Variants in ARFGEF3 observed in about 807,000 individuals in gnomAD.
ARFGEF3 encodes the protein brefeldin A-inhibited guanine nucleotide-exchange protein 3.
Under a neutral mutation model 221.7 loss-of-function variants are expected in ARFGEF3, and 96 were observed. The observed-to-expected ratio is 0.43, with a 90% CI of 0.37 to 0.51. The LOEUF is 0.51. ARFGEF3 is among the 20% of genes least tolerant of loss of function. ARFGEF3 has a pLI of 0.00. For missense variants in ARFGEF3, 2,410 were observed against 2,789.9 expected (o/e 0.86, Z 3.07); for synonymous variants, 1,145 against 1,126.8 (o/e 1.02, Z -0.32).
At chr6:138,220,294 C>T (rs1448171468) in intron 4 of ARFGEF3, among the ~76,000 whole-genome samples, 1 of 152,236 alleles carries the variant, frequency 6.6e-6, no homozygotes, top group Admixed American at 6.5e-5. Flanking sequence ...TGAGCCACTG[C>T]AGCCAACCTA....
intron 25 of ARFGEF3, among the ~76,000 whole-genome samples, chr6:138,312,793 T>C (rs13208551): frequency 0.06 from 9,070 of 152,286 alleles, 379 homozygotes; most frequent in Non-Finnish European, 0.095. Flanking sequence ...CACTACAACC[T>C]CTGCCTCCCA....
chr6:138,197,556 G>A (rs1777453283), intron 2 of ARFGEF3, among the ~76,000 whole-genome samples: 1 of 152,178 alleles, frequency 6.6e-6, no homozygotes, highest in Admixed American at 6.5e-5. Flanking sequence ...CCACAAACAT[G>A]TGAGTATAGT....
In ARFGEF3 at chr6:138,337,538, TTAAAA is replaced by T. The variant is rs1324949210; in HGVS notation, c.*1055_*1059del. The stretch of plus-strand genomic sequence containing the variant: ...GATTATGATGAAATCATTTTCAATC[TTAAAA>T]TATAATACAACAATCTTGCAAAATT... On this transcript the variant is annotated 3_prime_UTR_variant, in exon 34 of 34. Coordinates refer to ENST00000251691, the MANE Select transcript of ARFGEF3 (RefSeq NM_020340.5). The T allele has an allele frequency of 1.3e-5, 2 of 152,750 alleles. No individual in the cohort carries two copies. The highest frequency in any genetic ancestry group is 2.4e-5 in the African/African-American group (1 of 41,578). The allele number at this position is 152,750 out of a possible 1,614,324, so 9.5% of individuals were successfully genotyped here. A position where few individuals can be genotyped will look rare whatever the true frequency, so the allele number is the denominator to read the frequency against.
chr6:138,196,987 C>T (rs2114477887), intron 2 of ARFGEF3, among the ~76,000 whole-genome samples: 1 of 152,178 alleles, frequency 6.6e-6, no homozygotes. Context: ...GCAGGCACCA[C>T]CACGCCCGGC....
intron 32 of ARFGEF3, among the ~76,000 whole-genome samples, chr6:138,332,162 A>T (rs547300441): frequency 6.6e-6 from 1 of 152,254 alleles, no homozygotes; most frequent in South Asian, 2.1e-4. Flanking sequence ...AGACTGATTA[A>T]ACTCACCCCT....
At chr6:138,233,648 A>T (rs755762213) in intron 5 of ARFGEF3, among the ~76,000 whole-genome samples, 13 of 152,138 alleles carry the variant, frequency 8.5e-5, no homozygotes, top group Non-Finnish European at 1.6e-4. Context: ...AAGTGCTGGG[A>T]TTACAGGTAT....
intron 24 of ARFGEF3, among the ~76,000 whole-genome samples, chr6:138,309,972 A>C (rs1217733245): frequency 1.3e-5 from 2 of 152,218 alleles, no homozygotes; most frequent in Admixed American, 1.3e-4. Flanking sequence ...ATGCTCTATC[A>C]GTGATCTGGG....
intron 21 of ARFGEF3, among the ~76,000 whole-genome samples, chr6:138,297,436 A>G (rs1277907395): frequency 6.6e-6 from 1 of 152,232 alleles, no homozygotes; most frequent in East Asian, 1.9e-4. Flanking sequence ...TCCAAAGGAA[A>G]GCAGTTCGTG....
At chr6:138,192,213 G>A (rs955877906) in intron 2 of ARFGEF3, among the ~76,000 whole-genome samples, 1 of 151,880 alleles carries the variant, frequency 6.6e-6, no homozygotes, top group African/African-American at 2.4e-5. Context: ...TCGGGGCCAG[G>A]CAAGGTGGTT....
At chr6:138,325,678 A>G (rs1177153016) in intron 31 of ARFGEF3, among the ~76,000 whole-genome samples, 4 of 152,244 alleles carry the variant, frequency 2.6e-5, no homozygotes, top group African/African-American at 9.6e-5. Context: ...ACGTCTGGCT[A>G]AAGCATTTGC....
chr6:138,326,318 C>T (rs533114196), intron 31 of ARFGEF3, among the ~76,000 whole-genome samples: 2 of 152,290 alleles, frequency 1.3e-5, no homozygotes, highest in South Asian at 4.1e-4. Flanking sequence ...CATGGTGGCT[C>T]ATGCCTGTAA....
At chr6:138,226,772 A>G (rs9376335) in intron 4 of ARFGEF3, among the ~76,000 whole-genome samples, 18,215 of 152,214 alleles carry the variant, frequency 0.12, 1,480 homozygotes, top group East Asian at 0.36. Flanking sequence ...TTCTACCCCT[A>G]GTCTGTGTTT....
chr6:138,290,411 T>C (rs1779381867), intron 18 of ARFGEF3, among the ~76,000 whole-genome samples: 1 of 152,208 alleles, frequency 6.6e-6, no homozygotes, highest in Non-Finnish European at 1.5e-5. Context: ...ATACCTACTT[T>C]TAATTTAGCT....
intron 22 of ARFGEF3, among the ~76,000 whole-genome samples, chr6:138,306,906 G>T (rs921376910): frequency 5.4e-5 from 8 of 147,552 alleles, no homozygotes; most frequent in African/African-American, 2.0e-4. Context: ...GTCCAAAGCT[G>T]TGGAAAAATA....
chr6:138,324,552 T>G (rs1780094935), intron 31 of ARFGEF3, among the ~76,000 whole-genome samples: 1 of 152,212 alleles, frequency 6.6e-6, no homozygotes, highest in Non-Finnish European at 1.5e-5. Context: ...AACACAGAAC[T>G]TAACATTTAA....
chr6:138,178,862 G>A (rs1313977194), intron 2 of ARFGEF3, among the ~76,000 whole-genome samples: 1 of 152,134 alleles, frequency 6.6e-6, no homozygotes, highest in Non-Finnish European at 1.5e-5. Flanking sequence ...ATACCCAGAA[G>A]CCCAACACTC....
intron 4 of ARFGEF3, among the ~76,000 whole-genome samples, chr6:138,215,745 C>G (rs1777830350): frequency 6.6e-6 from 1 of 151,846 alleles, no homozygotes; most frequent in Non-Finnish European, 1.5e-5. Context: ...CTGTGTCTTC[C>G]CGTGATAATG....
intron 3 of ARFGEF3, 42 bp from the exon 4 acceptor site, chr6:138,209,868 G>A (rs1389598779): frequency 6.2e-7 from 1 of 1,606,976 alleles, no homozygotes; most frequent in Admixed American, 1.7e-5. Flanking sequence ...AAGGCAGCAG[G>A]GGAGAGCCTA....
At chr6:138,292,080 C>T (rs1562381806) in intron 19 of ARFGEF3, 27 bp downstream of exon 19, 3 of 1,380,306 alleles carry the variant, frequency 2.2e-6, no homozygotes, top group East Asian at 3.0e-5. Flanking sequence ...TCCCACGCCC[C>T]GGGAGCCTGC....
Sources: gnomAD v4.1 joint callset for allele counts (sites outside exome capture counted in the v4.1 genomes callset) on GRCh38, gnomAD v4.1.1 for gene constraint, MANE v1.5 for transcripts, NCBI Gene and HGNC (gene_info 2026-07-23, HGNC 2026-07-21) for gene names.